The following DENND2B variants were observed in gnomAD, a reference collection of about 807,000 sequenced individuals.
The protein encoded by DENND2B is DENN domain containing 2B, also known as DENN domain-containing protein 2B.
DENND2B carries 32 observed loss-of-function variants against 116.0 expected under a neutral mutation model. That is an observed-to-expected ratio of 0.28 (90% confidence interval 0.21 to 0.37). DENND2B has a LOEUF of 0.37. Among genes scored for constraint, DENND2B ranks in the 10% least tolerant of loss-of-function variants. The probability of loss-of-function intolerance (pLI) is 1.00; values close to 1 mark genes in which losing one functional copy is unlikely to be tolerated. For missense variants in DENND2B, 1,276 were observed against 1,477.7 expected (o/e 0.86, Z 2.24); for synonymous variants, 588 against 583.9 (o/e 1.01, Z -0.10).
chr11:8,883,174 T>C (rs1260939429), intron 1 of DENND2B, among the ~76,000 whole-genome samples: 1 of 152,210 alleles, frequency 6.6e-6, no homozygotes, highest in Non-Finnish European at 1.5e-5. Context: ...ACACATTTTG[T>C]TGTTGTTTTC....
chr11:8,769,301 G>A (rs151278457), intron 1 of DENND2B, among the ~76,000 whole-genome samples: 3,783 of 150,224 alleles, frequency 0.025, 73 homozygotes, highest in Middle Eastern at 0.045. Context: ...GCAGTGGTGC[G>A]ATCTCAGCTC....
rs1045964516 is a variant in DENND2B, at chr11:8,702,286, C to T, written c.2720+286G>A. 4.6e-5 allele frequency among the ~76,000 whole-genome samples: 7 copies of T among 152,176 alleles called. No individual in the cohort carries two copies. Among genetic ancestry groups the T allele is most frequent in the Non-Finnish European group, 4.4e-5 (3 of 68,028 alleles). On this transcript the variant is annotated intron_variant, in intron 14 of 19. Transcript: ENST00000313726. The surrounding 1 kb of genome is among the most constrained non-coding windows in gnomAD (Gnocchi z 4.6). ...CTTAACCTTTCCCCTTTACATATCC[C>T]GGCACCTGCACAGTCTTGGCTGTTG...
intron 3 of DENND2B, among the ~76,000 whole-genome samples, chr11:8,844,044 T>G (rs1004262245): frequency 6.6e-6 from 1 of 152,224 alleles, no homozygotes; most frequent in Non-Finnish European, 1.5e-5. Flanking sequence ...ATATTTAAAT[T>G]TTTGCATCAC....
chr11:8,827,560 G>GA (rs918195005), intron 4 of DENND2B, among the ~76,000 whole-genome samples: 1 of 152,232 alleles, frequency 6.6e-6, no homozygotes, highest in African/African-American at 2.4e-5. Flanking sequence ...AATTTGGCAA[G>GA]ATGAGGCTTG....
chr11:8,737,914 ATTTT>A (rs35471687), intron 2 of DENND2B, among the ~76,000 whole-genome samples: 1 of 144,980 alleles, frequency 6.9e-6, no homozygotes. Flanking sequence ...GGTCCAGCTA[ATTTT>A]TTTTTTTTTT....
intron 1 of DENND2B, among the ~76,000 whole-genome samples, chr11:8,894,959 T>A (rs944082034): frequency 6.6e-6 from 1 of 152,164 alleles, no homozygotes; most frequent in East Asian, 1.9e-4. Context: ...CGTATGTTTA[T>A]TGCGGCACTA....
intron 1 of DENND2B, among the ~76,000 whole-genome samples, chr11:8,770,906 G>A (rs1392019848): frequency 5.3e-5 from 8 of 152,080 alleles, no homozygotes; most frequent in Non-Finnish European, 7.4e-5. Context: ...AGGGAAGTAC[G>A]CACACCCCAC....
chr11:8,837,166 G>C lies in DENND2B; in HGVS notation c.-115+2144C>G, dbSNP rs2062462417. ...AAAAAAAAAAGTCTAAACTATGCAAGATCTGATTAAATCTCAGTCATTTCA... is the reference window on the plus strand; with the variant it reads ...AAAAAAAAAAGTCTAAACTATGCAACATCTGATTAAATCTCAGTCATTTCA... On this transcript the variant is annotated intron_variant, in intron 4 of 6. Transcript: ENST00000524757. Among the ~76,000 whole-genome samples the C allele has an allele frequency of 2.0e-5, 3 of 149,582 alleles. No individual in the cohort carries two copies. In the South Asian group the frequency reaches 6.5e-4, roughly 32 times the overall value.
At position 8,702,934 on chromosome 11, in the gene DENND2B, C is replaced by CT. The variant is rs545397317; in HGVS notation, c.2572-215dup. On this transcript the variant is annotated intron_variant, in intron 13 of 19. Coordinates refer to ENST00000313726, the MANE Select transcript of DENND2B (RefSeq NM_213618.2). This position sits in a 1 kb window ranked among gnomAD's most constrained non-coding sequence, Gnocchi z 4.6. ...AACACCCAGCCTGTGGGCAAGAGGG[C>CT]TGCCTGTGAAAGCGGGGAAGGCTCC... 285 of 603,166 alleles carry CT rather than the reference C, an allele frequency of 4.7e-4. 1 individual carries two copies. The African/African-American group carries it at 4.9e-3, about 10-fold the overall frequency. 37.4% of individuals were successfully genotyped at this position (603,166 alleles called of 1,614,324 possible). A position where few individuals can be genotyped will look rare whatever the true frequency, so the allele number is the denominator to read the frequency against.
intron 2 of DENND2B, among the ~76,000 whole-genome samples, chr11:8,868,085 C>A (rs2063648051): frequency 6.6e-6 from 1 of 152,214 alleles, no homozygotes; most frequent in Non-Finnish European, 1.5e-5. Context: ...GATCCACATA[C>A]ACATTCCATT....
chr11:8,894,634 A>T (rs1182244516), intron 1 of DENND2B, among the ~76,000 whole-genome samples: 13 of 152,230 alleles, frequency 8.5e-5, no homozygotes, highest in Non-Finnish European at 1.8e-4. Context: ...TGCAGCCAAC[A>T]GACACATCAA....
At chr11:8,880,879 C>A (rs558363690) in intron 2 of DENND2B, 3 of 152,294 alleles carry the variant, frequency 2.0e-5, no homozygotes, top group East Asian at 3.9e-4. Context: ...GGTAACCTTG[C>A]CTTCACCACT....
chr11:8,806,213 T>G (rs938595285), intron 1 of DENND2B, among the ~76,000 whole-genome samples: 1 of 152,188 alleles, frequency 6.6e-6, no homozygotes, highest in Non-Finnish European at 1.5e-5. Flanking sequence ...ATCTCATTTT[T>G]TCCCAGTTCC....
In DENND2B at chr11:8,707,946, AAGG is replaced by A; in HGVS notation, c.2353-95_2353-93del. 1 of 1,543,818 alleles carries A rather than the reference AAGG, an allele frequency of 6.5e-7. No homozygotes were observed. Among genetic ancestry groups the A allele is most frequent in the Non-Finnish European group, 8.7e-7 (1 of 1,147,378 alleles). On this transcript the variant is annotated intron_variant, in intron 11 of 19. Coordinates refer to ENST00000313726, the MANE Select transcript of DENND2B (RefSeq NM_213618.2). The surrounding 1 kb of genome is among the most constrained non-coding windows in gnomAD (Gnocchi z 4.8). ...TCCTTTTCCTTGGGAACGGAGGAGT[AAGG>A]ACTGCCCTTCTAGTGGAGGAAGACT...
chr11:8,878,204 G>A (rs1204213549), intron 2 of DENND2B, among the ~76,000 whole-genome samples: 1 of 152,130 alleles, frequency 6.6e-6, no homozygotes, highest in Non-Finnish European at 1.5e-5. Context: ...AATTAAGTGG[G>A]AATCAGTTTG....
At chr11:8,907,672 G>A (rs76199037) in intron 1 of DENND2B, among the ~76,000 whole-genome samples, 2,213 of 152,052 alleles carry the variant, frequency 0.015, 55 homozygotes, top group African/African-American at 0.051. Flanking sequence ...GTTCATGTAG[G>A]TAGGTGTTTT....
At chr11:8,784,711 G>C (rs1408288756) in intron 1 of DENND2B, among the ~76,000 whole-genome samples, 1 of 152,074 alleles carries the variant, frequency 6.6e-6, no homozygotes, top group Non-Finnish European at 1.5e-5. Context: ...GGTGGCGCAC[G>C]CCTGTAATCC....
intron 2 of DENND2B, among the ~76,000 whole-genome samples, chr11:8,868,915 G>C (rs1435592339): frequency 6.6e-6 from 1 of 152,168 alleles, no homozygotes. Flanking sequence ...CGGCCCATGG[G>C]CCGCCCAGGA....
rs568756848 is a variant in DENND2B at position 8,713,700 on chromosome 11, G to C, written c.1987+298C>G. 4.5e-4 allele frequency among the ~76,000 whole-genome samples: 68 copies of C among 152,272 alleles called. 1 individual carries two copies. The South Asian group carries it at 0.013, about 29-fold the overall frequency. ...CGGCTGAGATCTACAACATTTACCA[G>C]GCAAATCTAGCACCCAACTCCCATG... On this transcript the variant is annotated intron_variant, in intron 8 of 19. Transcript: ENST00000313726.
Sources: gnomAD v4.1 joint callset for allele counts (sites outside exome capture counted in the v4.1 genomes callset) on GRCh38, gnomAD v4.1.1 for gene constraint, Gnocchi (gnomAD v3.1) non-coding constraint, MANE v1.5 for transcripts, NCBI Gene and HGNC (gene_info 2026-07-23, HGNC 2026-07-21) for gene names.